NDUFA10: variants seen among roughly 807,000 people sequenced by gnomAD.
The protein encoded by NDUFA10 is NADH:ubiquinone oxidoreductase subunit A10, also known as NADH dehydrogenase [ubiquinone] 1 alpha subcomplex subunit 10, mitochondrial.
In NDUFA10, 40 loss-of-function variants were observed where a neutral mutation model predicts 47.8. The ratio of observed to expected loss-of-function variants is 0.84; its 90% CI spans 0.65 to 1.09. NDUFA10 has a LOEUF of 1.09. NDUFA10 is among the 50% of genes least tolerant of loss of function. The pLI is 0.00. For synonymous variants in NDUFA10, 183 were observed against 172.2 expected, an observed-to-expected ratio of 1.06 and a Z score of -0.49; for missense variants, 413 against 451.1, an observed-to-expected ratio of 0.92 and a Z score of 0.76.
chr2:239,961,123 T>G lies in NDUFA10; in HGVS notation c.1063A>C (p.Lys355Gln). The change falls in exon 10 of 10, where the codon AAG becomes CAG. Residue 355 changes from lysine (K) to glutamine (Q), a missense_variant. Lys to Gln is a moderately conservative substitution (Grantham distance 53). Transcript: ENST00000252711. The part of the protein sequence containing the change: ...TEVGDKWIWL[K>Q] ...TGGAGCAGAAGGCGGCCCGTTCACTTCAGCCAGATCCACTTGTCTCCCACC... is the reference window on the plus strand; with the variant it reads ...TGGAGCAGAAGGCGGCCCGTTCACTGCAGCCAGATCCACTTGTCTCCCACC... The G allele has an allele frequency of 6.2e-7, 1 of 1,614,228 alleles. No homozygotes were observed. The highest frequency in any genetic ancestry group is 8.5e-7 in the Non-Finnish European group (1 of 1,180,040).
At chr2:239,984,142 A>C (rs1340674301) in intron 9 of NDUFA10, among the ~76,000 whole-genome samples, 1 of 152,138 alleles carries the variant, frequency 6.6e-6, no homozygotes, top group Non-Finnish European at 1.5e-5. Flanking sequence ...CTGAGGCACA[A>C]GAATCGCTTA....
At position 239,899,002 on chromosome 2, in the gene NDUFA10, A is replaced by AGTCATGGAGG. The variant is rs1559259423; in HGVS notation, c.295-3689_295-3688insCCTCCATGAC. Among the ~76,000 whole-genome samples, 7 of 52,774 alleles carry AGTCATGGAGG rather than the reference A, an allele frequency of 1.3e-4. 1 individual carries two copies. The highest frequency in any genetic ancestry group is 6.9e-4 in the Admixed American group (3 of 4,376). The allele number at this position is 52,774 out of a possible 152,430, so 34.6% of individuals were successfully genotyped here. A position where few individuals can be genotyped will look rare whatever the true frequency, so the allele number is the denominator to read the frequency against. ...GGTATGATGGAGAGGTGTGATGGAG[A>AGTCATGGAGG]GGTGTGATGGAGGGGAGTCATGGAG... On this transcript the variant is annotated intron_variant, in intron 4 of 5. Transcript: ENST00000419408.
At chr2:240,013,530 T>G (rs1270343020) in intron 5 of NDUFA10, 1 of 152,264 alleles carries the variant, frequency 6.6e-6, no homozygotes, top group Admixed American at 6.5e-5. Flanking sequence ...TCCCTCCTTT[T>G]GCCACTTGAT....
chr2:239,933,846 T>G (rs1694219011), intron 4 of NDUFA10, among the ~76,000 whole-genome samples: 1 of 151,670 alleles, frequency 6.6e-6, no homozygotes, highest in South Asian at 2.1e-4. Context: ...TAGATTTGAA[T>G]GATCCAGTTT....
intron 8 of NDUFA10, among the ~76,000 whole-genome samples, chr2:240,003,879 G>C (rs1447357452): frequency 6.6e-6 from 1 of 152,144 alleles, no homozygotes; most frequent in East Asian, 1.9e-4. Context: ...ATCACCGGTG[G>C]GAAGGTCAAT....
chr2:240,012,607 A>C (rs1574887523), intron 5 of NDUFA10: 1 of 152,220 alleles, frequency 6.6e-6, no homozygotes, highest in Non-Finnish European at 1.5e-5. Context: ...TTTACCCAAA[A>C]TCATTCAGTC....
chr2:239,951,571 G>A (rs2106384339), intron 4 of NDUFA10, among the ~76,000 whole-genome samples: 1 of 152,332 alleles, frequency 6.6e-6, no homozygotes, highest in South Asian at 2.1e-4. Flanking sequence ...ACCCAGTACA[G>A]GATGTGCCGG....
At chr2:240,018,265 T>C in intron 4 of NDUFA10, 2 of 747,410 alleles carry the variant, frequency 2.7e-6, no homozygotes, top group East Asian at 5.4e-5. Flanking sequence ...GGGGAGGTTC[T>C]AACGGGAGGC....
intron 4 of NDUFA10, among the ~76,000 whole-genome samples, chr2:239,930,714 A>C (rs545889491): frequency 2.0e-5 from 3 of 152,304 alleles, no homozygotes; most frequent in Admixed American, 2.0e-4. Context: ...GAGGGCGTGC[A>C]GAAGAGTTCC....
At chr2:239,982,643 T>C (rs1254909696) in intron 9 of NDUFA10, among the ~76,000 whole-genome samples, 1 of 152,218 alleles carries the variant, frequency 6.6e-6, no homozygotes, top group African/African-American at 2.4e-5. Context: ...ACTTTCCATT[T>C]TTCTAGCTAT....
In NDUFA10 at chr2:239,960,565, T is replaced by C; in HGVS notation, c.*553A>G. On this transcript the variant is annotated 3_prime_UTR_variant, in exon 10 of 10. Coordinates refer to ENST00000252711, the MANE Select transcript of NDUFA10 (RefSeq NM_004544.4). ...TATTTCTTCTTCACGTTCTTATTTT[T>C]TCTACTCTAATGTAGCACATTACTA... 2.0e-6 allele frequency: 2 copies of C among 998,696 alleles called. No individual in the cohort carries two copies. The highest frequency in any genetic ancestry group is 2.4e-6 in the Non-Finnish European group (2 of 836,006). 61.9% of individuals were successfully genotyped at this position (998,696 alleles called of 1,614,324 possible).
chr2:240,005,028 C>G (rs1251540926), intron 8 of NDUFA10, among the ~76,000 whole-genome samples, 182 bp downstream of exon 8: 1 of 152,154 alleles, frequency 6.6e-6, no homozygotes, highest in African/African-American at 2.4e-5. Flanking sequence ...AATAATGGCA[C>G]TCAATAAATT....
chr2:239,935,120 C>T (rs1183563836), intron 4 of NDUFA10, among the ~76,000 whole-genome samples: 1 of 152,226 alleles, frequency 6.6e-6, no homozygotes, highest in African/African-American at 2.4e-5. Context: ...TCCTGGCTGT[C>T]TCTCAGCGCT....
At chr2:240,018,299 CGT>C (rs1377044885) in intron 4 of NDUFA10, 2 of 1,044,446 alleles carry the variant, frequency 1.9e-6, no homozygotes, top group African/African-American at 3.2e-5. Context: ...CTTTAAGCTG[CGT>C]GTGTTTGAGG....
intron 9 of NDUFA10, among the ~76,000 whole-genome samples, chr2:239,975,745 A>T (rs1390010340): frequency 2.0e-5 from 3 of 152,040 alleles, no homozygotes; most frequent in Non-Finnish European, 4.4e-5. Context: ...CCCCCAGCCC[A>T]TAATCCTTCC....
intron 4 of NDUFA10, among the ~76,000 whole-genome samples, chr2:239,920,895 T>C (rs1275887291): frequency 6.6e-6 from 1 of 152,124 alleles, no homozygotes; most frequent in Non-Finnish European, 1.5e-5. Flanking sequence ...CTTTAATCTT[T>C]GGGCAACCCC....
intron 4 of NDUFA10, among the ~76,000 whole-genome samples, chr2:239,935,421 G>C (rs897094750): frequency 2.0e-5 from 3 of 152,234 alleles, no homozygotes; most frequent in African/African-American, 7.2e-5. Context: ...GGCCGACAGG[G>C]CCGTGTGGGG....
At chr2:239,914,450 C>CAA (rs1693807967) in intron 4 of NDUFA10, among the ~76,000 whole-genome samples, 1 of 146,422 alleles carries the variant, frequency 6.8e-6, no homozygotes, top group African/African-American at 2.6e-5. Flanking sequence ...GAGATACACA[C>CAA]ACAAACATAC....
chr2:239,926,939 A>G (rs1034569267), intron 4 of NDUFA10, among the ~76,000 whole-genome samples: 1 of 152,206 alleles, frequency 6.6e-6, no homozygotes, highest in African/African-American at 2.4e-5. Context: ...GGCAGGCAAG[A>G]AAGTGTGTGC....
Sources: allele counts gnomAD v4.1 joint callset (sites outside exome capture counted in the v4.1 genomes callset), GRCh38; gene constraint gnomAD v4.1.1; transcripts MANE v1.5; gene names NCBI Gene and HGNC (gene_info 2026-07-23, HGNC 2026-07-21).